RELN: variants seen among roughly 807,000 people sequenced by gnomAD.
The protein encoded by RELN is reelin.
A neutral mutation model predicts 427.6 loss-of-function variants in RELN; 108 were observed. That is an observed-to-expected ratio of 0.25 (90% CI 0.22 to 0.30). The LOEUF is 0.30. Ranked by LOEUF, RELN falls within the 10% of genes least tolerant of loss-of-function variation. The pLI is 1.00. For synonymous variants in RELN, 1,524 were observed against 1,513.4 expected (o/e 1.01, Z -0.16); for missense variants, 3,715 against 4,302.8 (o/e 0.86, Z 3.82).
At position 103,925,982 on chromosome 7, in the gene RELN, T is replaced by TC. The variant is rs1370999539; in HGVS notation, c.227-8798_227-8797insG. 4.6e-5 allele frequency among the ~76,000 whole-genome samples: 7 copies of TC among 152,240 alleles called. No individual in the cohort carries two copies. In the East Asian group the frequency reaches 1.3e-3, roughly 29 times the overall value. Reference sequence around the variant, plus strand: ...TTTTCTGTTTCTATTATGTTTTTTTTACGTTGTTTTGACCAAAGCTAACTA... The same window carrying TC: ...TTTTCTGTTTCTATTATGTTTTTTTTCACGTTGTTTTGACCAAAGCTAACTA... On this transcript the variant is annotated intron_variant, in intron 1 of 64. Coordinates refer to ENST00000428762, the MANE Select transcript of RELN (RefSeq NM_005045.4).
At chr7:103,560,199 G>A (rs1830613169) in intron 36 of RELN, among the ~76,000 whole-genome samples, 1 of 152,180 alleles carries the variant, frequency 6.6e-6, no homozygotes, top group Non-Finnish European at 1.5e-5. Context: ...TGTGCTAAAT[G>A]TGAGAAATTC....
chr7:103,520,106 C>T (rs2117087251), intron 48 of RELN, among the ~76,000 whole-genome samples: 1 of 151,828 alleles, frequency 6.6e-6, no homozygotes, highest in South Asian at 2.1e-4. Flanking sequence ...AGTATCGCAG[C>T]CCAGGACACA....
intron 7 of RELN, 30 bp from the exon 8 acceptor site, chr7:103,723,221 A>G (rs1211043034): frequency 1.4e-6 from 2 of 1,385,154 alleles, no homozygotes; most frequent in South Asian, 1.2e-5. Flanking sequence ...TAAAAATAAG[A>G]CAAGACAGAG....
At chr7:103,502,393 ATTTTC>A (rs1240022328) in intron 52 of RELN, among the ~76,000 whole-genome samples, 1 of 152,088 alleles carries the variant, frequency 6.6e-6, no homozygotes, top group Admixed American at 6.5e-5. Context: ...TGCACCTGTT[ATTTTC>A]TTTTGTGTAT....
At chr7:103,565,882 G>A (rs559382328) in intron 33 of RELN, among the ~76,000 whole-genome samples, 1 of 152,210 alleles carries the variant, frequency 6.6e-6, no homozygotes, top group East Asian at 1.9e-4. Flanking sequence ...TCAAATCAGG[G>A]TAATTGGGAT....
chr7:103,518,303 G>T lies in RELN; in HGVS notation c.7862+1020C>A, dbSNP rs538869743. Among the ~76,000 whole-genome samples the T allele has an allele frequency of 8.2e-5, 12 of 146,066 alleles. No homozygotes were observed. The South Asian group carries it at 2.6e-3, about 32-fold the overall frequency. ...ATTTTAGCCTGTATCTGGCTTGCATGCATTAAAGGATTATCTACGTTTCCT... is the reference window on the plus strand; with the variant it reads ...ATTTTAGCCTGTATCTGGCTTGCATTCATTAAAGGATTATCTACGTTTCCT... On this transcript the variant is annotated intron_variant, in intron 49 of 64. Transcript: ENST00000428762.
chr7:103,635,555 T>C lies in RELN; in HGVS notation c.2335A>G (p.Lys779Glu). The change falls in exon 19 of 65, where the codon AAA (lysine) becomes GAA (glutamate). Residue 779 changes from lysine to glutamate, a missense_variant. Coordinates refer to ENST00000428762, the MANE Select transcript of RELN (RefSeq NM_005045.4). ...FLQFTLRLGS[K>E]SVLSTCRAPD... ...GCTCTGCACGTGCTCAGAACAGATT[T>C]GCTCCCCAGTCTCAGTGTGAACTGG... is the stretch of plus-strand genomic sequence containing the variant. The C allele has an allele frequency of 6.2e-7, 1 of 1,614,042 alleles. No homozygotes were observed. Among genetic ancestry groups the C allele is most frequent in the Non-Finnish European group, 8.5e-7 (1 of 1,179,926 alleles).
At chr7:103,689,973 G>C (rs1281453024) in intron 10 of RELN, among the ~76,000 whole-genome samples, 1 of 152,060 alleles carries the variant, frequency 6.6e-6, no homozygotes, top group East Asian at 1.9e-4. Context: ...AGTGACTGAG[G>C]AAAACTGAAC....
At chr7:103,796,875 C>CAAAAAAAAAAAAAAAAAAAAAAAA in intron 3 of RELN, among the ~76,000 whole-genome samples, 1 of 67,202 alleles carries the variant, frequency 1.5e-5, no homozygotes, top group Non-Finnish European at 2.8e-5. Flanking sequence ...CTCCATCTCA[C>CAAAAAAAAAAAAAAAAAAAAAAAA]AAAAAAAAAA....
At chr7:103,803,953 A>C (rs1479769681) in intron 3 of RELN, among the ~76,000 whole-genome samples, 1 of 152,098 alleles carries the variant, frequency 6.6e-6, no homozygotes, top group Non-Finnish European at 1.5e-5. Flanking sequence ...TCAAGGCCAT[A>C]AAAACCACTG....
chr7:103,745,213 T>A (rs62480697), intron 6 of RELN, among the ~76,000 whole-genome samples: 1 of 152,062 alleles, frequency 6.6e-6, no homozygotes, highest in Non-Finnish European at 1.5e-5. Flanking sequence ...CAAAATTCCA[T>A]AGCCCTTCAT....
chr7:103,810,053 C>T (rs990797173), intron 3 of RELN, among the ~76,000 whole-genome samples: 19 of 152,170 alleles, frequency 1.2e-4, no homozygotes, highest in Admixed American at 2.6e-4. Flanking sequence ...AAAATCTCTA[C>T]TTTTAATAAA....
intron 11 of RELN, among the ~76,000 whole-genome samples, chr7:103,663,431 G>C (rs1216942026): frequency 6.6e-6 from 1 of 152,126 alleles, no homozygotes; most frequent in Non-Finnish European, 1.5e-5. Context: ...ACTGTATCCT[G>C]TCCTCACTTT....
intron 28 of RELN, among the ~76,000 whole-genome samples, chr7:103,580,865 C>T (rs1007400163): frequency 5.9e-5 from 9 of 152,108 alleles, no homozygotes; most frequent in East Asian, 1.9e-4. Context: ...CTCATTGTAT[C>T]GTTGTAGCAA....
At chr7:103,666,972 G>A (rs934062609) in intron 11 of RELN, among the ~76,000 whole-genome samples, 6 of 152,118 alleles carry the variant, frequency 3.9e-5, no homozygotes, top group African/African-American at 9.7e-5. Flanking sequence ...TTCAGCCTTC[G>A]ATTACATATG....
chr7:103,762,540 C>T (rs1301443832), intron 4 of RELN, among the ~76,000 whole-genome samples: 1 of 152,188 alleles, frequency 6.6e-6, no homozygotes, highest in African/African-American at 2.4e-5. Flanking sequence ...ACTGCAAATT[C>T]CTGTGAGTAG....
intron 3 of RELN, among the ~76,000 whole-genome samples, chr7:103,823,904 T>C (rs1793068450): frequency 6.6e-6 from 1 of 152,130 alleles, no homozygotes; most frequent in South Asian, 2.1e-4. Flanking sequence ...TATCTTGTTT[T>C]GCTTTCACAC....
intron 55 of RELN, among the ~76,000 whole-genome samples, chr7:103,497,188 A>T (rs972585274): frequency 6.6e-6 from 1 of 152,186 alleles, no homozygotes; most frequent in Non-Finnish European, 1.5e-5. Flanking sequence ...GCTTGATAAG[A>T]TTGCAGGTGG....
chr7:103,491,961 C>G lies in RELN; in HGVS notation c.9435G>C (p.Lys3145Asn). ...DLHSVMLEYT[K>N]DARSDSWQLV... ...AAAATTATTTCACAAACCTTGCATC[C>G]TTAGTGTATTCCAGCATTACGGAAT... is the stretch of plus-strand genomic sequence containing the variant. The change falls in exon 58 of 65, where the codon AAG (lysine) becomes AAC (asparagine). Residue 3145 changes from lysine (K) to asparagine (N), a missense_variant. Physicochemically the swap from Lys to Asn is moderately conservative, Grantham distance 94 (BLOSUM62 0). Coordinates refer to ENST00000428762, the MANE Select transcript of RELN (RefSeq NM_005045.4). 2 of 1,604,480 alleles carry G rather than the reference C, an allele frequency of 1.2e-6. No individual in the cohort carries two copies. The highest frequency in any genetic ancestry group is 1.7e-6 in the Non-Finnish European group (2 of 1,174,272).
Sources: gnomAD v4.1 joint callset for allele counts (sites outside exome capture counted in the v4.1 genomes callset) on GRCh38, gnomAD v4.1.1 for gene constraint, MANE v1.5 for transcripts, NCBI Gene and HGNC (gene_info 2026-07-23, HGNC 2026-07-21) for gene names.